NLGN1: variants seen among roughly 807,000 people sequenced by gnomAD.
NLGN1 encodes the protein neuroligin 1, also known as neuroligin-1.
In NLGN1, 12 loss-of-function variants were observed where a neutral mutation model predicts 65.5. That is an observed-to-expected ratio of 0.18 (90% CI 0.12 to 0.30). The LOEUF is 0.30. NLGN1 is among the 10% of genes least tolerant of loss of function. The pLI is 1.00. For synonymous variants in NLGN1, 350 were observed against 359.5 expected, an observed-to-expected ratio of 0.97 and a Z score of 0.30; for missense variants, 750 against 1,007.1, an observed-to-expected ratio of 0.74 and a Z score of 3.46.
chr3:173,763,153 A>C (rs555899525), intron 3 of NLGN1, among the ~76,000 whole-genome samples: 1 of 152,012 alleles, frequency 6.6e-6, no homozygotes, highest in Non-Finnish European at 1.5e-5. Context: ...TGTTAAATTC[A>C]TTAGGTCAGA....
chr3:174,203,831 A>C (rs1005175765), intron 4 of NLGN1, among the ~76,000 whole-genome samples: 4 of 152,194 alleles, frequency 2.6e-5, no homozygotes, highest in Non-Finnish European at 5.9e-5. Context: ...TTAGAAACTT[A>C]ATCCAATCAT....
chr3:173,867,382 A>T (rs1730370890), intron 4 of NLGN1, among the ~76,000 whole-genome samples: 1 of 152,170 alleles, frequency 6.6e-6, no homozygotes, highest in South Asian at 2.1e-4. Flanking sequence ...AATGATTTGC[A>T]TAAGGTTAAA....
intron 4 of NLGN1, among the ~76,000 whole-genome samples, chr3:174,198,410 T>C (rs1249577240): frequency 6.6e-6 from 1 of 152,220 alleles, no homozygotes; most frequent in Non-Finnish European, 1.5e-5. Context: ...TATATTGTGC[T>C]GTACATCCTT....
At chr3:174,119,034 G>A (rs920739774) in intron 4 of NLGN1, among the ~76,000 whole-genome samples, 3 of 152,034 alleles carry the variant, frequency 2.0e-5, no homozygotes, top group Admixed American at 2.0e-4. Context: ...AAAGTCAGTG[G>A]AATATGCTTT....
chr3:173,467,221 ATG>A lies in NLGN1; in HGVS notation c.-321+32145_-321+32146del, dbSNP rs540876235. On this transcript the variant is annotated intron_variant, in intron 2 of 6. Transcript: ENST00000457714. ...TCTCACATCATTAAATATTCTGTAAATGTATGTTTTTTAAATGGCAGTACTAT... is the reference window on the plus strand; with the variant it reads ...TCTCACATCATTAAATATTCTGTAAATATGTTTTTTAAATGGCAGTACTAT... Among the ~76,000 whole-genome samples the A allele has an allele frequency of 4.0e-3, 614 of 152,106 alleles. 1 individual carries two copies. Among genetic ancestry groups the A allele is most frequent in the Non-Finnish European group, 4.9e-3 (333 of 67,978 alleles).
intron 2 of NLGN1, among the ~76,000 whole-genome samples, chr3:173,493,828 AATAT>A (rs540770877): frequency 2.0e-5 from 3 of 150,102 alleles, no homozygotes; most frequent in Admixed American, 2.0e-4. Flanking sequence ...GATTTAATTG[AATAT>A]ATATATATAG....
intron 3 of NLGN1, among the ~76,000 whole-genome samples, chr3:173,761,348 G>T (rs1360611790): frequency 1.3e-5 from 2 of 151,942 alleles, no homozygotes; most frequent in African/African-American, 4.8e-5. Flanking sequence ...GTTGGCAGGG[G>T]TCCCAAACTC....
intron 3 of NLGN1, among the ~76,000 whole-genome samples, chr3:173,759,191 C>A (rs889404389): frequency 1.2e-4 from 18 of 151,916 alleles, no homozygotes; most frequent in African/African-American, 4.3e-4. Context: ...ATTTTCATGT[C>A]TTTGGTTTAA....
At chr3:173,428,227 A>G (rs537006931) in intron 1 of NLGN1, among the ~76,000 whole-genome samples, 1 of 151,876 alleles carries the variant, frequency 6.6e-6, no homozygotes, top group East Asian at 1.9e-4. Flanking sequence ...TGTAGGCAGC[A>G]TATGATTGGG....
intron 2 of NLGN1, among the ~76,000 whole-genome samples, chr3:173,540,158 A>T (rs146285309): frequency 1.2e-4 from 18 of 152,218 alleles, no homozygotes; most frequent in Non-Finnish European, 2.4e-4. Context: ...CTTTACTCCC[A>T]AACCCTAAAG....
At chr3:173,973,399 G>C (rs1355775821) in intron 4 of NLGN1, among the ~76,000 whole-genome samples, 1 of 152,058 alleles carries the variant, frequency 6.6e-6, no homozygotes, top group East Asian at 1.9e-4. Flanking sequence ...GCAGCATAAG[G>C]CTATTTTGAT....
At chr3:173,807,864 G>T in intron 4 of NLGN1, 32 bp downstream of exon 4, 1 of 1,596,566 alleles carries the variant, frequency 6.3e-7, no homozygotes, top group South Asian at 1.1e-5. Flanking sequence ...TTTTCACCAT[G>T]AATCCATGAA....
chr3:173,904,098 G>A (rs941745181), intron 4 of NLGN1, among the ~76,000 whole-genome samples: 1 of 151,972 alleles, frequency 6.6e-6, no homozygotes, highest in Non-Finnish European at 1.5e-5. Flanking sequence ...CACGACTGTG[G>A]GCTGTCAATT....
chr3:173,823,738 A>C (rs4488865), intron 4 of NLGN1, among the ~76,000 whole-genome samples: 128,318 of 152,008 alleles, frequency 0.84, 55,017 homozygotes, highest in African/African-American at 0.93. Context: ...ATTGTTGTAA[A>C]TAAAGTTTTT....
chr3:174,287,566 A>G (rs1752268810), downstream of NLGN1, among the ~76,000 whole-genome samples: 2 of 151,704 alleles, frequency 1.3e-5, no homozygotes, highest in Middle Eastern at 3.4e-3. Context: ...TGAGTTCAAA[A>G]AAAGTTTCAA....
intron 2 of NLGN1, among the ~76,000 whole-genome samples, chr3:173,566,284 T>TA (rs1559977177): frequency 1.3e-5 from 2 of 152,282 alleles, no homozygotes; most frequent in East Asian, 3.9e-4. Flanking sequence ...CTGAGCTGCT[T>TA]CTCTAGGTTT....
At chr3:174,213,362 T>C (rs1019266366) in intron 4 of NLGN1, among the ~76,000 whole-genome samples, 5 of 152,138 alleles carry the variant, frequency 3.3e-5, no homozygotes, top group East Asian at 3.8e-4. Flanking sequence ...AAATTTAAGA[T>C]AAACACATGT....
intron 3 of NLGN1, among the ~76,000 whole-genome samples, chr3:173,649,476 T>A (rs74581083): frequency 6.6e-6 from 1 of 152,184 alleles, no homozygotes; most frequent in African/African-American, 2.4e-5. Flanking sequence ...CGCAATTTTT[T>A]ATGTGTCAAT....
chr3:174,172,907 T>C (rs1298118623), intron 4 of NLGN1, among the ~76,000 whole-genome samples: 1 of 152,088 alleles, frequency 6.6e-6, no homozygotes, highest in African/African-American at 2.4e-5. Flanking sequence ...TGGCTGTGGG[T>C]AGAATGGACA....
Sources: gnomAD v4.1 joint callset for allele counts (sites outside exome capture counted in the v4.1 genomes callset) on GRCh38, gnomAD v4.1.1 for gene constraint, MANE v1.5 for transcripts, NCBI Gene and HGNC (gene_info 2026-07-23, HGNC 2026-07-21) for gene names.